GFPT2: variants seen among roughly 807,000 people sequenced by gnomAD.
The protein encoded by GFPT2 is glutamine--fructose-6-phosphate transaminase 2.
GFPT2 carries 62 observed loss-of-function variants against 85.6 expected under a neutral mutation model. The observed-to-expected ratio is 0.72, with a 90% CI of 0.59 to 0.90. The LOEUF is 0.90. GFPT2 is among the 40% of genes least tolerant of loss of function. GFPT2 has a pLI of 0.00. For missense variants in GFPT2, 788 were observed against 893.4 expected (o/e 0.88, Z 1.50); for synonymous variants, 368 against 344.5 (o/e 1.07, Z -0.75).
intron 4 of GFPT2, among the ~76,000 whole-genome samples, chr5:180,334,407 G>A (rs1044391414): frequency 1.3e-5 from 2 of 152,172 alleles, no homozygotes; most frequent in African/African-American, 4.8e-5. Context: ...TGCCCATCCC[G>A]CCCAGTTACA....
chr5:180,310,983 T>C (rs760579808), intron 15 of GFPT2, among the ~76,000 whole-genome samples: 1 of 152,166 alleles, frequency 6.6e-6, no homozygotes, highest in Non-Finnish European at 1.5e-5. Context: ...AATTGGGTCC[T>C]GTTTTGCATG....
At chr5:180,303,679 C>T (rs965790191) in intron 17 of GFPT2, among the ~76,000 whole-genome samples, 6 of 152,170 alleles carry the variant, frequency 3.9e-5, no homozygotes, top group South Asian at 2.1e-4. Context: ...TTCACCTCCC[C>T]GAAACTTCAT....
intron 1 of GFPT2, among the ~76,000 whole-genome samples, chr5:180,340,178 C>A (rs374289734): frequency 2.0e-5 from 3 of 149,736 alleles, no homozygotes; most frequent in African/African-American, 7.3e-5. Context: ...CAGGGTCTCT[C>A]TGGAGGTTTT....
intron 4 of GFPT2, among the ~76,000 whole-genome samples, chr5:180,332,905 T>C (rs969292299): frequency 1.3e-5 from 2 of 152,200 alleles, no homozygotes; most frequent in Admixed American, 6.5e-5. Flanking sequence ...CGGGAAAGAT[T>C]TCTCCCACAG....
intron 17 of GFPT2, 39 bp downstream of exon 17, chr5:180,304,733 G>C: frequency 6.4e-7 from 1 of 1,569,770 alleles, no homozygotes; most frequent in Non-Finnish European, 8.7e-7. Context: ...ATGGGGAAAA[G>C]CAGGAGAGAG....
rs1322650602 is a variant in GFPT2 at position 180,307,164 on chromosome 5, G to A, written c.1674+12C>T. 6.8e-6 allele frequency: 10 copies of A among 1,468,032 alleles called. No homozygotes were observed. Among genetic ancestry groups the A allele is most frequent in the East Asian group, 2.5e-5 (1 of 39,348 alleles). The allele number at this position is 1,468,032 out of a possible 1,614,324, so 90.9% of individuals were successfully genotyped here. A position where few individuals can be genotyped will look rare whatever the true frequency, so the allele number is the denominator to read the frequency against. ...TCCTCCGTGGGGGTGGGGGCTGGGG[G>A]TGGGGGCTCACCAGGGCTCCTTCCA... On this transcript the variant is annotated intron_variant, in intron 16 of 18. Transcript: ENST00000253778.
In GFPT2 at chr5:180,318,737, C is replaced by T. The variant is rs1764060830; in HGVS notation, c.958+56G>A. On this transcript the variant is annotated intron_variant, in intron 10 of 18. Coordinates refer to ENST00000253778, the MANE Select transcript of GFPT2 (RefSeq NM_005110.4). The surrounding 1 kb of genome is among the most constrained non-coding windows in gnomAD (Gnocchi z 4.2). Reference sequence around the variant, plus strand: ...AGGACCAGGCAGAGTGTCAGGAGCTCCACCAGGCGCGCTGGCTCCCGAGGC... The same window carrying T: ...AGGACCAGGCAGAGTGTCAGGAGCTTCACCAGGCGCGCTGGCTCCCGAGGC... The T allele has an allele frequency of 1.3e-6, 2 of 1,490,186 alleles. No homozygotes were observed. Among genetic ancestry groups the T allele is most frequent in the Non-Finnish European group, 9.3e-7 (1 of 1,077,574 alleles). 92.3% of individuals were successfully genotyped at this position (1,490,186 alleles called of 1,614,324 possible). A position where few individuals can be genotyped will look rare whatever the true frequency, so the allele number is the denominator to read the frequency against.
rs922488504 is a variant in GFPT2 at position 180,301,064 on chromosome 5, G to A, written c.*500C>T. 2 of 157,712 alleles carry A rather than the reference G, an allele frequency of 1.3e-5. No individual in the cohort carries two copies. The highest frequency in any genetic ancestry group is 4.8e-5 in the African/African-American group (2 of 41,544). 9.8% of individuals were successfully genotyped at this position (157,712 alleles called of 1,614,324 possible). ...AAAGAAAAGGAGAAAGGAGTCCAGA[G>A]GGCCAATGCCTTGTGCTCACATCTG... On this transcript the variant is annotated 3_prime_UTR_variant, in exon 19 of 19. Coordinates refer to ENST00000253778, the MANE Select transcript of GFPT2 (RefSeq NM_005110.4).
intron 2 of GFPT2, among the ~76,000 whole-genome samples, chr5:180,337,321 T>C (rs372120185): frequency 1.7e-3 from 252 of 151,834 alleles, no homozygotes; most frequent in African/African-American, 4.8e-3. Context: ...GGTGTGGTGG[T>C]GGGCGCCTGT....
rs183793222 is a variant in GFPT2, at chr5:180,345,087, C to T, written c.8-6487G>A. Among the ~76,000 whole-genome samples, 345 of 152,364 alleles carry T rather than the reference C, an allele frequency of 2.3e-3. 1 individual carries two copies. Among genetic ancestry groups the T allele is most frequent in the African/African-American group, 8.1e-3 (338 of 41,584 alleles). ...CCACTGAATGTTCGGACCTCAGTTT[C>T]CCTGTCAGTGAAACAGGGTGATGGC... On this transcript the variant is annotated intron_variant, in intron 1 of 18. Coordinates refer to ENST00000253778, the MANE Select transcript of GFPT2 (RefSeq NM_005110.4).
chr5:180,310,284 G>A (rs966416163), intron 15 of GFPT2, among the ~76,000 whole-genome samples: 6 of 151,656 alleles, frequency 4.0e-5, no homozygotes, highest in Non-Finnish European at 7.4e-5. Flanking sequence ...TGTATTTTTA[G>A]TAGAGATGGG....
At chr5:180,352,788 A>C in intron 1 of GFPT2, 1 of 306,514 alleles carries the variant, frequency 3.3e-6, no homozygotes. Context: ...CTGAGTCGGG[A>C]TGGGCGCCCC....
chr5:180,322,319 G>C (rs1764136320), intron 9 of GFPT2, among the ~76,000 whole-genome samples: 2 of 151,718 alleles, frequency 1.3e-5, no homozygotes, highest in South Asian at 4.2e-4. Flanking sequence ...GAAAAGAATA[G>C]TAAGCCTTCC....
At chr5:180,311,429 CA>C (rs1763878994) in intron 15 of GFPT2, among the ~76,000 whole-genome samples, 1 of 152,184 alleles carries the variant, frequency 6.6e-6, no homozygotes, top group South Asian at 2.1e-4. Context: ...CCACGGTCCC[CA>C]AGGAGGTCAT....
chr5:180,301,799 C>T lies in GFPT2; in HGVS notation c.2005-191G>A, dbSNP rs1425590755. Among the ~76,000 whole-genome samples the T allele has an allele frequency of 3.9e-4, 60 of 152,052 alleles. 1 individual carries two copies. The highest frequency in any genetic ancestry group is 3.9e-3 in the Admixed American group (60 of 15,252). On this transcript the variant is annotated intron_variant, in intron 18 of 18. Transcript: ENST00000253778. ...TTTAACCGTATAAGGTTTAGTCCCTCAATAAACATTTACTGTGCACCTGAT... is the reference window on the plus strand; with the variant it reads ...TTTAACCGTATAAGGTTTAGTCCCTTAATAAACATTTACTGTGCACCTGAT...
At chr5:180,313,446 C>G (rs1334973854) in intron 14 of GFPT2, among the ~76,000 whole-genome samples, 1 of 145,072 alleles carries the variant, frequency 6.9e-6, no homozygotes, top group Non-Finnish European at 1.5e-5. Context: ...AAAAAATGAG[C>G]CGGGTGTGGG....
intron 16 of GFPT2, 36 bp from the exon 17 acceptor site, chr5:180,304,975 C>A (rs762857383): frequency 6.7e-7 from 1 of 1,483,908 alleles, no homozygotes; most frequent in South Asian, 1.2e-5. Context: ...TCACACTGGG[C>A]AGATGGGGCT....
At chr5:180,348,563 C>T (rs1764654212) in intron 1 of GFPT2, among the ~76,000 whole-genome samples, 1 of 152,208 alleles carries the variant, frequency 6.6e-6, no homozygotes, top group Admixed American at 6.5e-5. Flanking sequence ...GGGCCCTGAG[C>T]AGACGCGGCA....
chr5:180,303,367 G>C (rs1430553253), intron 17 of GFPT2, among the ~76,000 whole-genome samples: 1 of 152,232 alleles, frequency 6.6e-6, no homozygotes, highest in Non-Finnish European at 1.5e-5. Flanking sequence ...ATGATGAGGG[G>C]ACAACCCTCG....
Sources: allele counts gnomAD v4.1 joint callset (sites outside exome capture counted in the v4.1 genomes callset), GRCh38; gene constraint gnomAD v4.1.1; non-coding constraint Gnocchi (gnomAD v3.1); transcripts MANE v1.5; gene names NCBI Gene and HGNC (gene_info 2026-07-23, HGNC 2026-07-21).